TBC1D16: variants seen among roughly 807,000 people sequenced by gnomAD.
TBC1D16 encodes the protein CTD-2529O21.1.
In TBC1D16, 58 loss-of-function variants were observed where a neutral mutation model predicts 74.7. The observed-to-expected ratio is 0.78, with a 90% CI of 0.63 to 0.97. The LOEUF (loss-of-function observed/expected upper bound fraction) is 0.97, where lower values mean the gene tolerates loss of function less well. TBC1D16 is among the 50% of genes least tolerant of loss of function. TBC1D16 has a pLI of 0.00. For missense variants in TBC1D16, 1,014 were observed against 1,079.5 expected (o/e 0.94, Z 0.85); for synonymous variants, 493 against 474.7 (o/e 1.04, Z -0.50).
chr17:79,951,616 G>A lies in TBC1D16; in HGVS notation c.942-19C>T, dbSNP rs984315217. ...CTCGTCGCTGAAGGGCCATTGGAAG[G>A]GGGAGAGGGAAGCCCGATGAATATG... On this transcript the variant is annotated intron_variant, in intron 4 of 11. Transcript: ENST00000310924. 1.9e-6 allele frequency: 3 copies of A among 1,609,588 alleles called. No homozygotes were observed. Among genetic ancestry groups the A allele is most frequent in the African/African-American group, 1.3e-5 (1 of 74,764 alleles).
rs1231156204 is a variant in TBC1D16, at chr17:79,971,869, T to A, written c.780-19051A>T. Among the ~76,000 whole-genome samples the A allele has an allele frequency of 6.6e-6, 1 of 151,442 alleles. No individual in the cohort carries two copies. Among genetic ancestry groups the A allele is most frequent in the Non-Finnish European group, 1.5e-5 (1 of 67,830 alleles). On this transcript the variant is annotated intron_variant, in intron 3 of 11. Coordinates refer to ENST00000310924, the MANE Select transcript of TBC1D16 (RefSeq NM_019020.4). This position sits in a 1 kb window ranked among gnomAD's most constrained non-coding sequence, Gnocchi z 4.6. ...AGGCTTCCTCTCGGAGCAGGTGGCA[T>A]GGGGGCTGGCTGTGGGGGTCTTTGT... is the stretch of plus-strand genomic sequence containing the variant.
chr17:79,980,373 C>T lies in TBC1D16; in HGVS notation c.780-27555G>A, dbSNP rs1321733746. Among the ~76,000 whole-genome samples the T allele has an allele frequency of 1.3e-5, 2 of 152,200 alleles. No homozygotes were observed. Among genetic ancestry groups the T allele is most frequent in the East Asian group, 3.9e-4 (2 of 5,194 alleles). On this transcript the variant is annotated intron_variant, in intron 3 of 11. Coordinates refer to ENST00000310924, the MANE Select transcript of TBC1D16 (RefSeq NM_019020.4). The surrounding 1 kb of genome is among the most constrained non-coding windows in gnomAD (Gnocchi z 7.0). ...GGGTCAGCAAATTCCGCCTAACAAGCCGGAGCTTTCCTTCCTTCCCGGAGG... is the reference window on the plus strand; with the variant it reads ...GGGTCAGCAAATTCCGCCTAACAAGTCGGAGCTTTCCTTCCTTCCCGGAGG...
rs1471285277 is a variant in TBC1D16, at chr17:80,001,231, C to T, written c.779+8929G>A. On this transcript the variant is annotated intron_variant, in intron 3 of 11. Coordinates refer to ENST00000310924, the MANE Select transcript of TBC1D16 (RefSeq NM_019020.4). The surrounding 1 kb of genome is among the most constrained non-coding windows in gnomAD (Gnocchi z 5.8). The stretch of plus-strand genomic sequence containing the variant: ...GCATCGGCCACTCTCTGGGTGCAGG[C>T]GGAGCAGCTGGTGGTGGCCACCTTG... Among the ~76,000 whole-genome samples the T allele has an allele frequency of 6.6e-6, 1 of 152,110 alleles. No homozygotes were observed. The highest frequency in any genetic ancestry group is 1.5e-5 in the Non-Finnish European group (1 of 68,018).
chr17:79,977,592 G>T (rs2034384913), intron 3 of TBC1D16, among the ~76,000 whole-genome samples: 1 of 152,278 alleles, frequency 6.6e-6, no homozygotes, highest in Admixed American at 6.5e-5. Context: ...CTGTGAGACG[G>T]CGATGAGTTG....
rs781456764 is a variant in TBC1D16 at position 80,010,167 on chromosome 17, C to T, written c.772G>A (p.Asp258Asn). The T allele has an allele frequency of 1.9e-6, 3 of 1,609,324 alleles. No homozygotes were observed. Among genetic ancestry groups the T allele is most frequent in the Non-Finnish European group, 2.5e-6 (3 of 1,177,628 alleles). The part of the protein sequence containing the change: ...ESRGSVFLES[D>N]SSPPSSSDAG... Reference sequence around the variant, plus strand: ...CCAGAACCAGGAACTCACCTGCTGTCACTTTCCAGAAACACGGAGCCGCGG... The same window carrying T: ...CCAGAACCAGGAACTCACCTGCTGTTACTTTCCAGAAACACGGAGCCGCGG... The change falls in exon 3 of 12, where the codon GAC becomes AAC. Residue 258 changes from aspartate (D) to asparagine (N), a missense_variant. Transcript: ENST00000310924. The surrounding 1 kb of genome is among the most constrained non-coding windows in gnomAD (Gnocchi z 8.8).
intron 1 of TBC1D16, among the ~76,000 whole-genome samples, chr17:80,032,177 C>T (rs886963523): frequency 3.3e-5 from 5 of 152,130 alleles, no homozygotes; most frequent in East Asian, 1.9e-4. Context: ...GCTTGGCACC[C>T]GCAGTACGTT....
chr17:79,972,549 G>A (rs996573898), intron 3 of TBC1D16, among the ~76,000 whole-genome samples: 1 of 152,170 alleles, frequency 6.6e-6, no homozygotes. Flanking sequence ...AGTGAAAGAC[G>A]CCAGACACAG....
At position 80,010,995 on chromosome 17, in the gene TBC1D16, G is replaced by T. The variant is rs528339432; in HGVS notation, c.182-238C>A. 6.6e-6 allele frequency among the ~76,000 whole-genome samples: 1 copy of T among 152,254 alleles called. No homozygotes were observed. The highest frequency in any genetic ancestry group is 1.9e-4 in the East Asian group (1 of 5,164). On this transcript the variant is annotated intron_variant, in intron 2 of 11. Coordinates refer to ENST00000310924, the MANE Select transcript of TBC1D16 (RefSeq NM_019020.4). The surrounding 1 kb of genome is among the most constrained non-coding windows in gnomAD (Gnocchi z 8.8). The stretch of plus-strand genomic sequence containing the variant: ...CTTCCGGCAGATCCAGGGGGCACTG[G>T]TCCCCAAGCACCGGCCTGCCATGCG...
intron 9 of TBC1D16, among the ~76,000 whole-genome samples, chr17:79,946,586 T>G (rs908592423): frequency 5.9e-5 from 9 of 151,852 alleles, no homozygotes; most frequent in Non-Finnish European, 1.3e-4. Context: ...ATTCTACAAG[T>G]CACACTCTGT....
rs531151736 is a variant in TBC1D16 at position 79,958,306 on chromosome 17, A to G, written c.780-5488T>C. ...AAGATCTCGGCTCACTGCAACCTCC[A>G]CCTCCCGGGTTCAAGCGATTCTCCT... On this transcript the variant is annotated intron_variant, in intron 3 of 11. Transcript: ENST00000310924. 3.5e-5 allele frequency among the ~76,000 whole-genome samples: 5 copies of G among 144,074 alleles called. No individual in the cohort carries two copies. The South Asian group carries it at 1.1e-3, about 32-fold the overall frequency. 94.5% of individuals were successfully genotyped at this position (144,074 alleles called of 152,430 possible). A position where few individuals can be genotyped will look rare whatever the true frequency, so the allele number is the denominator to read the frequency against.
rs1263139697 is a variant in TBC1D16, at chr17:79,954,535, A to C, written c.780-1717T>G. Among the ~76,000 whole-genome samples the C allele has an allele frequency of 6.6e-6, 1 of 152,132 alleles. No individual in the cohort carries two copies. On this transcript the variant is annotated intron_variant, in intron 3 of 11. Coordinates refer to ENST00000310924, the MANE Select transcript of TBC1D16 (RefSeq NM_019020.4). This position sits in a 1 kb window ranked among gnomAD's most constrained non-coding sequence, Gnocchi z 5.5. ...GATGGGCATGTGGGGCCATCACCTG[A>C]ACTGCCGTGGCTGCGCCGCGGACGG...
rs1239004934 is a variant in TBC1D16, at chr17:79,952,818, G to A, written c.780C>T (p.Ser260=). The A allele has an allele frequency of 8.7e-6, 14 of 1,605,858 alleles. No individual in the cohort carries two copies. The highest frequency in any genetic ancestry group is 1.2e-5 in the Non-Finnish European group (14 of 1,175,682). ...GGCCGGCGTCGGAGCTGGACGGGGG[G>A]CTGGTGGAACAGGTTATGTGATGAT... ...RGSVFLESDS[S]PPSSSDAGLR... is the part of the protein sequence containing the mutation. The change falls in exon 4 of 12, where the codon AGC becomes AGT. Residue 260 remains serine, a splice_region_variant and synonymous_variant. Transcript: ENST00000310924.
At chr17:79,947,587 G>A (rs1033067562) in intron 9 of TBC1D16, 58 bp downstream of exon 9, 21 of 1,581,904 alleles carry the variant, frequency 1.3e-5, no homozygotes, top group Non-Finnish European at 1.7e-5. Flanking sequence ...GGCTACAACG[G>A]GAGAGGCAAC....
At chr17:80,016,097 A>T (rs1313446961) in intron 1 of TBC1D16, among the ~76,000 whole-genome samples, 1 of 152,170 alleles carries the variant, frequency 6.6e-6, no homozygotes, top group Non-Finnish European at 1.5e-5. Context: ...CTTGAAAAGA[A>T]AGTCTGACGC....
intron 1 of TBC1D16, among the ~76,000 whole-genome samples, chr17:80,014,065 G>T (rs147319253): frequency 0.013 from 1,953 of 152,190 alleles, 20 homozygotes; most frequent in Middle Eastern, 0.034. Flanking sequence ...TCATTAAAAA[G>T]AAATAAACAG....
intron 1 of TBC1D16, among the ~76,000 whole-genome samples, chr17:80,017,721 C>T (rs1485676001): frequency 6.6e-6 from 1 of 150,440 alleles, no homozygotes; most frequent in East Asian, 1.9e-4. Context: ...CCATCCTTAG[C>T]TCACAGGCTG....
At position 79,951,593 on chromosome 17, in the gene TBC1D16, C is replaced by T. The variant is rs777334677; in HGVS notation, c.946G>A (p.Glu316Lys). 8 of 1,612,632 alleles carry T rather than the reference C, an allele frequency of 5.0e-6. No homozygotes were observed. The highest frequency in any genetic ancestry group is 2.2e-5 in the East Asian group (1 of 44,872). ...MRSLRLFFSD[E>K]ACTSGQLVVA... Reference sequence around the variant, plus strand: ...ACCAGCTGGCCGCTGGTGCAGGCCTCGTCGCTGAAGGGCCATTGGAAGGGG... The same window carrying T: ...ACCAGCTGGCCGCTGGTGCAGGCCTTGTCGCTGAAGGGCCATTGGAAGGGG... The change falls in exon 5 of 12, where the codon GAG becomes AAG. Residue 316 changes from glutamate (E) to lysine (K), a missense_variant. Glu to Lys is a moderately conservative substitution (Grantham distance 56, BLOSUM62 1). Transcript: ENST00000310924.
Position 79,947,811 on chromosome 17 carries a change from G to A in TBC1D16, c.1562C>T (p.Ala521Val), listed in dbSNP as rs555025924. The change falls in exon 9 of 12, where the codon GCC (alanine) becomes GTC (valine). Residue 521 changes from alanine (A) to valine (V), a missense_variant. By Grantham distance (64) the Ala-to-Val change is moderately conservative (BLOSUM62 0). Transcript: ENST00000310924. ...ATAGCCGACGGCAGGGTTGTACACG[G>A]CGTAGTTCAGCAGGATCCTCCTGGG... is the stretch of plus-strand genomic sequence containing the variant. ...ESMRRILLNY[A>V]VYNPAVGYSQ... is the part of the protein sequence containing the mutation. The A allele has an allele frequency of 6.2e-7, 1 of 1,613,498 alleles. No homozygotes were observed. The highest frequency in any genetic ancestry group is 1.3e-5 in the African/African-American group (1 of 75,056).
In TBC1D16 at chr17:79,941,353, G is replaced by A. The variant is rs1304619785; in HGVS notation, c.2056-246C>T. Among the ~76,000 whole-genome samples, 1 of 152,210 alleles carries A rather than the reference G, an allele frequency of 6.6e-6. No individual in the cohort carries two copies. Among genetic ancestry groups the A allele is most frequent in the Non-Finnish European group, 1.5e-5 (1 of 68,028 alleles). ...CGGGCTGTGCTCACAGGTGGCTCGAGGTGAACAAGGCCCTTGAATGGGCTT... is the reference window on the plus strand; with the variant it reads ...CGGGCTGTGCTCACAGGTGGCTCGAAGTGAACAAGGCCCTTGAATGGGCTT... On this transcript the variant is annotated intron_variant, in intron 11 of 11. Transcript: ENST00000310924. This position sits in a 1 kb window ranked among gnomAD's most constrained non-coding sequence, Gnocchi z 4.3.
Sources: allele counts gnomAD v4.1 joint callset (sites outside exome capture counted in the v4.1 genomes callset), GRCh38; gene constraint gnomAD v4.1.1; non-coding constraint Gnocchi (gnomAD v3.1); transcripts MANE v1.5; gene names NCBI Gene and HGNC (gene_info 2026-07-23, HGNC 2026-07-21).